Variants in SPTLC2 observed in about 807,000 individuals in gnomAD.
The protein encoded by SPTLC2 is serine palmitoyltransferase long chain base subunit 2, also known as serine palmitoyltransferase 2.
A neutral mutation model predicts 62.0 loss-of-function variants in SPTLC2; 21 were observed. The observed-to-expected ratio is 0.34, with a 90% confidence interval of 0.24 to 0.49. SPTLC2 has a LOEUF of 0.49. Ranked by LOEUF, SPTLC2 falls within the 20% of genes least tolerant of loss-of-function variation. The pLI is 0.99. For missense variants in SPTLC2, 511 were observed against 713.0 expected (o/e 0.72, Z 3.23); for synonymous variants, 261 against 261.8 (o/e 1.00, Z 0.03).
chr14:77,577,628 G>A (rs1405382211), intron 3 of SPTLC2, among the ~76,000 whole-genome samples: 1 of 152,120 alleles, frequency 6.6e-6, no homozygotes, highest in Non-Finnish European at 1.5e-5. Flanking sequence ...GGCCGGGCAC[G>A]GTGGCTCACG....
At chr14:77,582,436 TACAG>T (rs1487262310) in intron 2 of SPTLC2, among the ~76,000 whole-genome samples, 4 of 152,184 alleles carry the variant, frequency 2.6e-5, no homozygotes, top group African/African-American at 2.4e-5. Flanking sequence ...AATATTTCCT[TACAG>T]ACAAATTTTT....
Position 77,552,163 on chromosome 14 carries a change from T to C in SPTLC2, c.1236A>G (p.Ser412=). Residue 412 remains serine, a synonymous_variant, in exon 9 of 12, where the codon TCA becomes TCG. Transcript: ENST00000216484. ...TGATGATCTGCTCCACTACAGGAGG[T>C]GACAATGACGTGGCATACACTGCAC... is the stretch of plus-strand genomic sequence containing the variant. ...SHSAVYATSL[S]PPVVEQIITS... 1 of 1,614,088 alleles carries C rather than the reference T, an allele frequency of 6.2e-7. No homozygotes were observed. The highest frequency in any genetic ancestry group is 8.5e-7 in the Non-Finnish European group (1 of 1,180,016).
At chr14:77,536,724 G>GA (rs975563961) in intron 9 of SPTLC2, among the ~76,000 whole-genome samples, 31 of 149,520 alleles carry the variant, frequency 2.1e-4, no homozygotes, top group African/African-American at 4.2e-4. Context: ...TTAAAAAGAA[G>GA]AAAAAAAAAC....
intron 2 of SPTLC2, among the ~76,000 whole-genome samples, chr14:77,581,613 T>C (rs910150852): frequency 6.6e-5 from 10 of 151,860 alleles, no homozygotes; most frequent in South Asian, 2.1e-4. Flanking sequence ...GGTTTCACTA[T>C]GTTGGCCAGG....
intron 2 of SPTLC2, among the ~76,000 whole-genome samples, chr14:77,592,014 G>A (rs1305787811): frequency 6.6e-6 from 1 of 151,960 alleles, no homozygotes; most frequent in Non-Finnish European, 1.5e-5. Context: ...GTGAGCCGCC[G>A]TGCCCAGCCA....
chr14:77,522,123 T>TAG (rs2079387498), intron 9 of SPTLC2, among the ~76,000 whole-genome samples: 1 of 152,232 alleles, frequency 6.6e-6, no homozygotes, highest in South Asian at 2.1e-4. Context: ...TTTCATCTTC[T>TAG]GAGTTTCATT....
intron 1 of SPTLC2, 64 bp from the exon 2 acceptor site, chr14:77,597,444 T>C: frequency 1.4e-6 from 2 of 1,479,014 alleles, no homozygotes; most frequent in Non-Finnish European, 1.9e-6. Flanking sequence ...ACCTAAAATC[T>C]AGGTCCTTAG....
intron 9 of SPTLC2, among the ~76,000 whole-genome samples, chr14:77,533,300 C>CAAAAAAA (rs35192294): frequency 1.0e-5 from 1 of 98,498 alleles, no homozygotes; most frequent in African/African-American, 3.9e-5. Flanking sequence ...AACTCCGTTG[C>CAAAAAAA]AAAAAAAAAA....
At chr14:77,542,585 G>A (rs1326239966) in intron 9 of SPTLC2, among the ~76,000 whole-genome samples, 3 of 152,098 alleles carry the variant, frequency 2.0e-5, no homozygotes. Flanking sequence ...TTGCTAGACT[G>A]GCGACAAATA....
chr14:77,572,077 C>T lies in SPTLC2; in HGVS notation c.632-1569G>A, dbSNP rs912435907. ...TGTTGGGATTACAGGCGTGAGCCACCGCATCCAGCCGAGCACTTTATAAAA... is the reference window on the plus strand; with the variant it reads ...TGTTGGGATTACAGGCGTGAGCCACTGCATCCAGCCGAGCACTTTATAAAA... On this transcript the variant is annotated intron_variant, in intron 4 of 11. Coordinates refer to ENST00000216484, the MANE Select transcript of SPTLC2 (RefSeq NM_004863.4). 2.4e-4 allele frequency among the ~76,000 whole-genome samples: 37 copies of T among 152,316 alleles called. 1 individual carries two copies. The highest frequency in any genetic ancestry group is 1.8e-3 in the Admixed American group (27 of 15,298).
Position 77,557,220 on chromosome 14 carries a change from T to C in SPTLC2, c.851-74A>G, listed in dbSNP as rs1469500259. On this transcript the variant is annotated intron_variant, in intron 6 of 11. Coordinates refer to ENST00000216484, the MANE Select transcript of SPTLC2 (RefSeq NM_004863.4). ...ACTTTATTCCGGAAATGCAGAGATA[T>C]ATTTCTCATTCAGAAACCATGCCTC... 14 of 1,316,946 alleles carry C rather than the reference T, an allele frequency of 1.1e-5. No individual in the cohort carries two copies. The East Asian group carries it at 1.9e-4, about 18-fold the overall frequency. The allele number at this position is 1,316,946 out of a possible 1,614,324, so 81.6% of individuals were successfully genotyped here.
chr14:77,517,686 G>T (rs1285242678), intron 11 of SPTLC2, among the ~76,000 whole-genome samples: 2 of 152,208 alleles, frequency 1.3e-5, no homozygotes, highest in Non-Finnish European at 2.9e-5. Flanking sequence ...TGAAGAATGA[G>T]TGGCAGTCAG....
intron 1 of SPTLC2, among the ~76,000 whole-genome samples, chr14:77,604,585 C>T (rs142727727): frequency 0.017 from 2,604 of 151,996 alleles, 40 homozygotes; most frequent in South Asian, 0.032. Flanking sequence ...AAATATTTCC[C>T]GGCCAGATGC....
chr14:77,597,142 T>A (rs772863004), intron 2 of SPTLC2, 44 bp downstream of exon 2: 1 of 1,590,950 alleles, frequency 6.3e-7, no homozygotes, highest in East Asian at 2.2e-5. Flanking sequence ...AAGATTTCCA[T>A]AAAAGGCTTC....
chr14:77,610,229 C>T (rs1201226767), intron 1 of SPTLC2, among the ~76,000 whole-genome samples: 1 of 152,138 alleles, frequency 6.6e-6, no homozygotes, highest in Admixed American at 6.5e-5. Flanking sequence ...CAACTTCCAC[C>T]TCCTGGGTTC....
At chr14:77,555,255 G>A (rs2079576264) in intron 8 of SPTLC2, 45 bp downstream of exon 8, 3 of 1,610,392 alleles carry the variant, frequency 1.9e-6, no homozygotes, top group Non-Finnish European at 2.5e-6. Context: ...AAATCTAATT[G>A]CCAGTGACTT....
chr14:77,605,858 T>C (rs1184939970), intron 1 of SPTLC2, among the ~76,000 whole-genome samples: 2 of 152,028 alleles, frequency 1.3e-5, no homozygotes, highest in East Asian at 1.9e-4. Flanking sequence ...GTAACAAACA[T>C]ACAACGGATC....
rs774185979 is a variant in SPTLC2, at chr14:77,579,011, A to G, written c.426T>C (p.Pro142=). 1 of 1,614,120 alleles carries G rather than the reference A, an allele frequency of 6.2e-7. No homozygotes were observed. Among genetic ancestry groups the G allele is most frequent in the Non-Finnish European group, 8.5e-7 (1 of 1,179,996 alleles). Residue 142 remains proline (P), a synonymous_variant, in exon 3 of 12, where the codon CCT becomes CCC. Coordinates refer to ENST00000216484, the MANE Select transcript of SPTLC2 (RefSeq NM_004863.4). ...DNWNRPICSV[P]GARVDIMERQ... is the part of the protein sequence containing the mutation. The stretch of plus-strand genomic sequence containing the variant: ...TCTCCATGATGTCCACCCTGGCTCC[A>G]GGCACACTACAGATTGGCCGATTCC...
intron 5 of SPTLC2, among the ~76,000 whole-genome samples, chr14:77,568,727 G>T (rs914238689): frequency 2.0e-5 from 3 of 149,716 alleles, no homozygotes; most frequent in Non-Finnish European, 4.4e-5. Flanking sequence ...AGAATGGCGT[G>T]AACCCGGGAG....
Sources: gnomAD v4.1 joint callset for allele counts (sites outside exome capture counted in the v4.1 genomes callset) on GRCh38, gnomAD v4.1.1 for gene constraint, MANE v1.5 for transcripts, NCBI Gene and HGNC (gene_info 2026-07-23, HGNC 2026-07-21) for gene names.